Variants in STK31 observed in about 807,000 individuals in gnomAD.
STK31 encodes the protein serine/threonine kinase 31.
Under a neutral mutation model 129.7 loss-of-function variants are expected in STK31, and 89 were observed. That is an observed-to-expected ratio of 0.69 (90% CI 0.58 to 0.82). STK31 has a LOEUF of 0.82. Ranked by LOEUF, STK31 falls within the 40% of genes least tolerant of loss-of-function variation. STK31 has a pLI of 0.00. For synonymous variants in STK31, 448 were observed against 395.3 expected (o/e 1.13, Z -1.58); for missense variants, 1,187 against 1,176.4 (o/e 1.01, Z -0.13).
Position 23,786,524 on chromosome 7 carries a change from T to C in STK31, c.2291T>C (p.Val764Ala). 1 of 1,613,288 alleles carries C rather than the reference T, an allele frequency of 6.2e-7. No homozygotes were observed. Among genetic ancestry groups the C allele is most frequent in the Non-Finnish European group, 8.5e-7 (1 of 1,179,656 alleles). The stretch of plus-strand genomic sequence containing the variant: ...TGGTACAAGGGCTATTCTGTGGATG[T>C]TGACACAGAAGCCAAGGTGATTGAG... ...IILLKGYSVD[V>A]DTEAKVIERA... Residue 764 changes from valine to alanine, a missense_variant, in exon 19 of 24, where the codon GTT (valine) becomes GCT (alanine). Transcript: ENST00000355870.
chr7:23,716,242 G>T (rs1334280105), intron 3 of STK31, among the ~76,000 whole-genome samples: 2 of 152,016 alleles, frequency 1.3e-5, no homozygotes, highest in East Asian at 3.9e-4. Context: ...TTTAATTTGG[G>T]TTTGTTTGAT....
At chr7:23,721,909 A>G (rs1033769556) in intron 4 of STK31, 8 of 377,878 alleles carry the variant, frequency 2.1e-5, no homozygotes, top group Admixed American at 3.8e-5. Context: ...TTCTCGTGCC[A>G]TGGTTCTCAG....
chr7:23,832,157 C>G lies in STK31; in HGVS notation c.2851C>G (p.Leu951Val), dbSNP rs776941075. Residue 951 changes from leucine to valine, a missense_variant, in exon 24 of 24, where the codon CTC becomes GTC. Around this residue, in one of 5 missense-constraint regions of STK31, gnomAD observed 975 missense variants for 934.9 expected, o/e 1.04. Coordinates refer to ENST00000355870, the MANE Select transcript of STK31 (RefSeq NM_031414.5). ...FHLDDKVKSL[L>V]CSLICYRSSM... ...GCAGGATGATAAAGTCAAATCCCTC[C>G]TCTGTAGCTTGATATGTTATAGAAG... 1 of 1,613,710 alleles carries G rather than the reference C, an allele frequency of 6.2e-7. No individual in the cohort carries two copies.
At chr7:23,805,645 A>G (rs1792660060) in intron 22 of STK31, among the ~76,000 whole-genome samples, 1 of 150,444 alleles carries the variant, frequency 6.6e-6, no homozygotes, top group Admixed American at 6.6e-5. Context: ...ACCACTCTTG[A>G]CTCATTTTTG....
chr7:23,729,572 G>A (rs7777380), intron 6 of STK31, among the ~76,000 whole-genome samples: 19,737 of 148,718 alleles, frequency 0.13, 1,557 homozygotes, highest in Middle Eastern at 0.18. Context: ...GTGCAGTAGC[G>A]TGATCTCGGC....
At chr7:23,771,278 A>G in intron 14 of STK31, 154 bp downstream of exon 14, 1 of 610,156 alleles carries the variant, frequency 1.6e-6, no homozygotes, top group Non-Finnish European at 2.5e-6. Flanking sequence ...GATGATATAA[A>G]TATATCAAAT....
chr7:23,717,097 C>CCTTTTTTTTTTTTT (rs1786381897), intron 3 of STK31, among the ~76,000 whole-genome samples: 1 of 42,936 alleles, frequency 2.3e-5, no homozygotes, highest in Non-Finnish European at 4.2e-5. Flanking sequence ...TCGCAACCTG[C>CCTTTTTTTTTTTTT]TTTTTTTTTT....
chr7:23,821,026 C>T (rs752592219), intron 23 of STK31, among the ~76,000 whole-genome samples: 2 of 151,544 alleles, frequency 1.3e-5, no homozygotes, highest in African/African-American at 4.8e-5. Flanking sequence ...ATACTGATTT[C>T]CTTTTTATTT....
chr7:23,787,097 C>T (rs1037454705), intron 20 of STK31, among the ~76,000 whole-genome samples, 173 bp downstream of exon 20: 4 of 152,060 alleles, frequency 2.6e-5, no homozygotes, highest in Non-Finnish European at 5.9e-5. Context: ...TGAGAAAAAG[C>T]GTTAAAGGGA....
intron 8 of STK31, among the ~76,000 whole-genome samples, chr7:23,738,916 A>C (rs907413319): frequency 1.3e-5 from 2 of 152,192 alleles, no homozygotes; most frequent in African/African-American, 4.8e-5. Context: ...TTGCCATTGT[A>C]AATAGTGCTG....
At chr7:23,791,899 G>A (rs759711295) in intron 22 of STK31, among the ~76,000 whole-genome samples, 8 of 152,332 alleles carry the variant, frequency 5.3e-5, no homozygotes, top group Middle Eastern at 3.4e-3. Flanking sequence ...TAGCATGAAA[G>A]CAGCCATAGA....
At chr7:23,784,594 A>G (rs1681849192) in intron 17 of STK31, among the ~76,000 whole-genome samples, 1 of 152,100 alleles carries the variant, frequency 6.6e-6, no homozygotes, top group Non-Finnish European at 1.5e-5. Context: ...GAAGTCTTTA[A>G]TGGCTTTCTG....
chr7:23,830,064 C>T (rs1467687933), intron 23 of STK31, among the ~76,000 whole-genome samples: 1 of 152,052 alleles, frequency 6.6e-6, no homozygotes, highest in African/African-American at 2.4e-5. Context: ...ATTCTCCTGC[C>T]TCAGCCTTCC....
chr7:23,823,081 G>A (rs907877313), intron 23 of STK31, among the ~76,000 whole-genome samples: 4 of 152,172 alleles, frequency 2.6e-5, no homozygotes, highest in African/African-American at 9.6e-5. Context: ...CTTTATAGCA[G>A]CATGATTTAT....
chr7:23,762,666 A>T (rs947745836), intron 10 of STK31, 135 bp from the exon 11 acceptor site: 2 of 957,660 alleles, frequency 2.1e-6, no homozygotes, highest in Non-Finnish European at 3.0e-6. Flanking sequence ...TGTTGATCTA[A>T]GGAGAGAAAT....
rs190712446 is a variant in STK31, at chr7:23,774,133, A to G, written c.1965+1855A>G. ...AAATCATCCTTTTTTATGGCTGCAT[A>G]GTATTCCATGGTGTATATGTGCCAC... On this transcript the variant is annotated intron_variant, in intron 15 of 23. Coordinates refer to ENST00000355870, the MANE Select transcript of STK31 (RefSeq NM_031414.5). Among the ~76,000 whole-genome samples, 35 of 152,308 alleles carry G rather than the reference A, an allele frequency of 2.3e-4. No homozygotes were observed. The East Asian group carries it at 5.4e-3, about 23-fold the overall frequency.
chr7:23,749,877 G>A (rs1812348243), intron 8 of STK31, among the ~76,000 whole-genome samples: 1 of 152,012 alleles, frequency 6.6e-6, no homozygotes, highest in South Asian at 2.1e-4. Context: ...GCTAGAGTAG[G>A]ATGGAATTGG....
At chr7:23,723,595 A>C (rs1384139880) in intron 4 of STK31, among the ~76,000 whole-genome samples, 1 of 152,200 alleles carries the variant, frequency 6.6e-6, no homozygotes, top group Non-Finnish European at 1.5e-5. Context: ...ATTGTTCATA[A>C]ATGGATTATA....
At chr7:23,826,226 G>A (rs1794141834) in intron 23 of STK31, among the ~76,000 whole-genome samples, 1 of 152,060 alleles carries the variant, frequency 6.6e-6, no homozygotes, top group Non-Finnish European at 1.5e-5. Context: ...TTATTGTGTG[G>A]GAGCCTAAGT....
Sources: gnomAD v4.1 joint callset for allele counts (sites outside exome capture counted in the v4.1 genomes callset) on GRCh38, gnomAD v4.1.1 for gene constraint, gnomAD v4.1.1 regional missense constraint, MANE v1.5 for transcripts, NCBI Gene and HGNC (gene_info 2026-07-23, HGNC 2026-07-21) for gene names.